Variants in PIK3R5 observed in about 807,000 individuals in gnomAD.
PIK3R5 encodes the protein phosphoinositide-3-kinase regulatory subunit 5.
A neutral mutation model predicts 94.9 loss-of-function variants in PIK3R5; 32 were observed. The ratio of observed to expected loss-of-function variants is 0.34; its 90% CI spans 0.25 to 0.45. PIK3R5 has a LOEUF of 0.45. Among genes scored for constraint, PIK3R5 ranks in the 20% least tolerant of loss-of-function variants. The probability of loss-of-function intolerance (pLI) is 1.00; values close to 1 mark genes in which losing one functional copy is unlikely to be tolerated. For synonymous variants in PIK3R5, 443 were observed against 479.4 expected, an observed-to-expected ratio of 0.92 and a Z score of 0.99; for missense variants, 853 against 1,144.6, an observed-to-expected ratio of 0.75 and a Z score of 3.68.
chr17:8,880,629 T>C lies in PIK3R5; in HGVS notation c.*10A>G. On this transcript the variant is annotated 3_prime_UTR_variant, in exon 19 of 19. Coordinates refer to ENST00000447110, the MANE Select transcript of PIK3R5 (RefSeq NM_001142633.3). ...CCAGGGCTTCTGTCCAGTCTGGCGC[T>C]GGGCCCACACTAGGGCAGAGCTCCA... The C allele has an allele frequency of 6.3e-7, 1 of 1,598,280 alleles. No individual in the cohort carries two copies. The highest frequency in any genetic ancestry group is 2.2e-5 in the East Asian group (1 of 44,692).
chr17:8,964,334 T>C (rs1255146298), intron 1 of PIK3R5, among the ~76,000 whole-genome samples: 2 of 152,136 alleles, frequency 1.3e-5, no homozygotes, highest in Non-Finnish European at 2.9e-5. Flanking sequence ...AAGGCTGCAG[T>C]GAGCCATGAT....
intron 1 of PIK3R5, among the ~76,000 whole-genome samples, chr17:8,949,297 T>C (rs1446525987): frequency 3.9e-5 from 6 of 152,172 alleles, no homozygotes; most frequent in African/African-American, 1.4e-4. Flanking sequence ...AGCTTTTGGA[T>C]TTGGAAGGTT....
At position 8,909,548 on chromosome 17, in the gene PIK3R5, A is replaced by C. The variant is rs2090479926; in HGVS notation, c.104-374T>G. On this transcript the variant is annotated intron_variant, in intron 2 of 18. Coordinates refer to ENST00000447110, the MANE Select transcript of PIK3R5 (RefSeq NM_001142633.3). The surrounding 1 kb of genome is among the most constrained non-coding windows in gnomAD (Gnocchi z 4.3). Reference sequence around the variant, plus strand: ...GTGATCCGCCCGCCTCGGACTCCCAAAGTGCTGGGATTATAGGCGTGAGCC... The same window carrying C: ...GTGATCCGCCCGCCTCGGACTCCCACAGTGCTGGGATTATAGGCGTGAGCC... 1.3e-5 allele frequency among the ~76,000 whole-genome samples: 2 copies of C among 152,310 alleles called. No homozygotes were observed. The highest frequency in any genetic ancestry group is 4.1e-4 in the South Asian group (2 of 4,824).
chr17:8,906,383 C>T (rs751411431), intron 3 of PIK3R5, among the ~76,000 whole-genome samples: 5 of 151,988 alleles, frequency 3.3e-5, no homozygotes, highest in Non-Finnish European at 7.4e-5. Flanking sequence ...CACCTTTTTT[C>T]CCTTCTGGTT....
At chr17:8,959,923 C>T (rs982359268) in intron 1 of PIK3R5, among the ~76,000 whole-genome samples, 2 of 152,168 alleles carry the variant, frequency 1.3e-5, no homozygotes, top group Non-Finnish European at 2.9e-5. Context: ...ACTCCCTGAG[C>T]TGTTGATGGA....
chr17:8,941,358 A>G (rs2091176267), intron 1 of PIK3R5, among the ~76,000 whole-genome samples: 1 of 152,146 alleles, frequency 6.6e-6, no homozygotes. Flanking sequence ...AAGGCAGCAG[A>G]AGACAAGAAG....
rs756559856 is a variant in PIK3R5, at chr17:8,889,232, C to T, written c.812-10G>A. 1 of 1,609,696 alleles carries T rather than the reference C, an allele frequency of 6.2e-7. No homozygotes were observed. The highest frequency in any genetic ancestry group is 8.5e-7 in the Non-Finnish European group (1 of 1,176,730). ...CCTGGTTTTGCAGTGTCTGTAAGAA[C>T]AGGGAGGATAGGAGAAGAGGGCTGG... On this transcript the variant is annotated splice_polypyrimidine_tract_variant and intron_variant, in intron 8 of 18. Transcript: ENST00000447110. This position sits in a 1 kb window ranked among gnomAD's most constrained non-coding sequence, Gnocchi z 4.1.
intron 1 of PIK3R5, among the ~76,000 whole-genome samples, chr17:8,943,909 A>C (rs1290251873): frequency 6.8e-6 from 1 of 147,808 alleles, no homozygotes. Flanking sequence ...CTTTTATTTT[A>C]GGTGCGGGGG....
intron 1 of PIK3R5, among the ~76,000 whole-genome samples, chr17:8,953,941 C>T (rs368205794): frequency 6.6e-6 from 1 of 152,004 alleles, no homozygotes; most frequent in Non-Finnish European, 1.5e-5. Flanking sequence ...CAGATATGCA[C>T]GGAGAGAGTG....
Position 8,886,504 on chromosome 17 carries a change from C to G in PIK3R5, c.2007G>C (p.Pro669=). ...LLYYCRFAAR[P]VLLQVYQTEL... ...CGGTCTGATAGACTTGCAGCAGCACCGGTCTGGCGGCAAAGCGGCAGTAGT... is the reference window on the plus strand; with the variant it reads ...CGGTCTGATAGACTTGCAGCAGCACGGGTCTGGCGGCAAAGCGGCAGTAGT... The change falls in exon 13 of 19, where the codon CCG becomes CCC. Residue 669 remains proline, a synonymous_variant. Transcript: ENST00000447110. 1 of 1,609,496 alleles carries G rather than the reference C, an allele frequency of 6.2e-7. No individual in the cohort carries two copies. Among genetic ancestry groups the G allele is most frequent in the Non-Finnish European group, 8.5e-7 (1 of 1,177,734 alleles).
intron 1 of PIK3R5, among the ~76,000 whole-genome samples, chr17:8,913,814 A>G (rs1567652183): frequency 1.3e-5 from 2 of 152,196 alleles, no homozygotes; most frequent in Non-Finnish European, 2.9e-5. Flanking sequence ...AGGCCCTTCC[A>G]TGTGACTTTT....
At chr17:8,942,731 G>T (rs775776943) in intron 1 of PIK3R5, among the ~76,000 whole-genome samples, 1 of 151,952 alleles carries the variant, frequency 6.6e-6, no homozygotes, top group Non-Finnish European at 1.5e-5. Flanking sequence ...TCAGCCTCCT[G>T]AGTAGCTGGG....
chr17:8,880,704 C>T lies in PIK3R5; in HGVS notation c.2578G>A (p.Ala860Thr). 3 of 1,613,936 alleles carry T rather than the reference C, an allele frequency of 1.9e-6. No homozygotes were observed. Among genetic ancestry groups the T allele is most frequent in the Non-Finnish European group, 2.5e-6 (3 of 1,179,930 alleles). Residue 860 changes from alanine to threonine, a missense_variant, in exon 19 of 19, where the codon GCC (alanine) becomes ACC (threonine). Around this residue, in one of 6 missense-constraint regions of PIK3R5, gnomAD observed 91 missense variants for 90.5 expected, o/e 1.01. Coordinates refer to ENST00000447110, the MANE Select transcript of PIK3R5 (RefSeq NM_001142633.3). Reference sequence around the variant, plus strand: ...AGAAGGGAGCAGAGATCAGGTGCGGCCTGGGCCGGCAGGTCAGGAGGCGTC... The same window carrying T: ...AGAAGGGAGCAGAGATCAGGTGCGGTCTGGGCCGGCAGGTCAGGAGGCGTC... ...PQTPPDLPAQ[A>T]APDLCSLLCL...
rs1415402954 is a variant in PIK3R5, at chr17:8,893,070, GTGTGTGTGTGTGTGTT to G, written c.482+500_482+515del. On this transcript the variant is annotated intron_variant, in intron 6 of 18. Coordinates refer to ENST00000447110, the MANE Select transcript of PIK3R5 (RefSeq NM_001142633.3). This position sits in a 1 kb window ranked among gnomAD's most constrained non-coding sequence, Gnocchi z 5.1. ...GCTGTGTGTGTGTGTGTGTGTGTGT[GTGTGTGTGTGTGTGTT>G]TGTGTATCAGGCTGTCATATAAAAT... Among the ~76,000 whole-genome samples the G allele has an allele frequency of 8.6e-4, 119 of 138,960 alleles. No individual in the cohort carries two copies. The highest frequency in any genetic ancestry group is 3.8e-3 in the Middle Eastern group (1 of 264). The allele number at this position is 138,960 out of a possible 152,430, so 91.2% of individuals were successfully genotyped here.
chr17:8,889,112 G>T lies in PIK3R5; in HGVS notation c.895+27C>A. On this transcript the variant is annotated intron_variant, in intron 9 of 18. Coordinates refer to ENST00000447110, the MANE Select transcript of PIK3R5 (RefSeq NM_001142633.3). The surrounding 1 kb of genome is among the most constrained non-coding windows in gnomAD (Gnocchi z 4.1). ...CACAGCTCAGGCAGTGTGGGGCATG[G>T]GTGTCACCAGGGCCCCGGCTCCTTA... 2.5e-6 allele frequency: 4 copies of T among 1,604,152 alleles called. No individual in the cohort carries two copies. The African/African-American group carries it at 4.0e-5, about 16-fold the overall frequency.
intron 1 of PIK3R5, among the ~76,000 whole-genome samples, chr17:8,959,474 G>A (rs1386972155): frequency 6.6e-6 from 1 of 152,096 alleles, no homozygotes; most frequent in East Asian, 1.9e-4. Context: ...TGTGCTTATG[G>A]GTGACGAGAG....
rs2089608341 is a variant in PIK3R5, at chr17:8,879,741, C to T, written c.*898G>A. ...ACTCCAAACAGGAGGAATCAGTGTT[C>T]AGAAAGTCAGGCACTAAGCTTTACT... On this transcript the variant is annotated 3_prime_UTR_variant, in exon 19 of 19. Coordinates refer to ENST00000447110, the MANE Select transcript of PIK3R5 (RefSeq NM_001142633.3). This position sits in a 1 kb window ranked among gnomAD's most constrained non-coding sequence, Gnocchi z 4.4. 6.6e-6 allele frequency: 1 copy of T among 152,178 alleles called. No individual in the cohort carries two copies. The highest frequency in any genetic ancestry group is 2.4e-5 in the African/African-American group (1 of 41,432). The allele number at this position is 152,178 out of a possible 1,614,324, so 9.4% of individuals were successfully genotyped here.
intron 2 of PIK3R5, among the ~76,000 whole-genome samples, chr17:8,910,613 C>A (rs544118555): frequency 6.6e-6 from 1 of 152,154 alleles, no homozygotes; most frequent in African/African-American, 2.4e-5. Flanking sequence ...TGGGAGATAG[C>A]TTTAATCCAG....
intron 11 of PIK3R5, 50 bp from the exon 12 acceptor site, chr17:8,887,271 C>T (rs2089887472): frequency 1.2e-6 from 2 of 1,607,150 alleles, no homozygotes; most frequent in Non-Finnish European, 1.7e-6. Context: ...GAGGCCTGCC[C>T]ATCCTAGCTC....
Sources: gnomAD v4.1 joint callset for allele counts (sites outside exome capture counted in the v4.1 genomes callset) on GRCh38, gnomAD v4.1.1 for gene constraint, gnomAD v4.1.1 regional missense constraint, Gnocchi (gnomAD v3.1) non-coding constraint, MANE v1.5 for transcripts, NCBI Gene and HGNC (gene_info 2026-07-23, HGNC 2026-07-21) for gene names.